NFIA: variants seen among roughly 807,000 people sequenced by gnomAD.
NFIA encodes nuclear factor 1 A-type.
In NFIA, 8 loss-of-function variants were observed where a neutral mutation model predicts 62.8. The ratio of observed to expected loss-of-function variants is 0.13; its 90% CI spans 0.07 to 0.23. NFIA has a LOEUF of 0.23. Ranked by LOEUF, NFIA falls within the 10% of genes least tolerant of loss-of-function variation. The pLI, the probability that NFIA is intolerant of heterozygous loss-of-function variation, is 1.00. For synonymous variants in NFIA, 235 were observed against 238.1 expected (o/e 0.99, Z 0.12); for missense variants, 410 against 642.1 (o/e 0.64, Z 3.91).
At chr1:61,372,187 A>G (rs530419914) in intron 6 of NFIA, among the ~76,000 whole-genome samples, 1 of 152,290 alleles carries the variant, frequency 6.6e-6, no homozygotes, top group African/African-American at 2.4e-5. Flanking sequence ...TAACTCCAAT[A>G]TGAAAGGATT....
chr1:61,385,060 C>G (rs1465315247), intron 7 of NFIA, among the ~76,000 whole-genome samples: 4 of 151,892 alleles, frequency 2.6e-5, no homozygotes, highest in Non-Finnish European at 5.9e-5. Context: ...GGTGAAACCC[C>G]ATCTCTACTA....
At chr1:61,151,357 G>A (rs1395091076) in intron 2 of NFIA, among the ~76,000 whole-genome samples, 1 of 148,242 alleles carries the variant, frequency 6.7e-6, no homozygotes, top group Non-Finnish European at 1.5e-5. Flanking sequence ...CTACAGGCTT[G>A]CACCACCGTG....
chr1:61,427,276 G>C (rs1172053001), intron 10 of NFIA, among the ~76,000 whole-genome samples: 2 of 152,174 alleles, frequency 1.3e-5, no homozygotes, highest in East Asian at 3.9e-4. Flanking sequence ...TGTATATTGA[G>C]AAACAGTAAA....
At chr1:61,419,889 A>G (rs1469596542) in intron 9 of NFIA, among the ~76,000 whole-genome samples, 2 of 152,272 alleles carry the variant, frequency 1.3e-5, no homozygotes, top group African/African-American at 4.8e-5. Flanking sequence ...CTGTGCCCTG[A>G]GGGTTGTGAG....
chr1:61,383,185 A>C lies in NFIA; in HGVS notation c.947-52A>C, dbSNP rs979734407. 3 of 1,601,562 alleles carry C rather than the reference A, an allele frequency of 1.9e-6. No homozygotes were observed. The Admixed American group carries it at 5.0e-5, about 27-fold the overall frequency. Reference sequence around the variant, plus strand: ...TAAATGTTATCTTTTAGGTTGCACAAATCATTGTTCCATGAATTAAAGTGT... The same window carrying C: ...TAAATGTTATCTTTTAGGTTGCACACATCATTGTTCCATGAATTAAAGTGT... On this transcript the variant is annotated intron_variant, in intron 6 of 10. Coordinates refer to ENST00000403491, the MANE Select transcript of NFIA (RefSeq NM_001134673.4).
chr1:61,319,377 T>G (rs1431788173), intron 3 of NFIA, among the ~76,000 whole-genome samples: 1 of 152,156 alleles, frequency 6.6e-6, no homozygotes, highest in East Asian at 1.9e-4. Flanking sequence ...AGGAAAAAAC[T>G]ATTAAGAATA....
intron 9 of NFIA, among the ~76,000 whole-genome samples, chr1:61,414,377 C>A (rs1433512592): frequency 6.6e-6 from 1 of 152,188 alleles, no homozygotes; most frequent in African/African-American, 2.4e-5. Flanking sequence ...TTGAGAAAGA[C>A]AAGGTATGGA....
At chr1:61,388,610 A>G (rs17122110) in intron 7 of NFIA, among the ~76,000 whole-genome samples, 4,311 of 152,294 alleles carry the variant, frequency 0.028, 208 homozygotes, top group African/African-American at 0.099. Context: ...AAGTAAAACA[A>G]TTCTGTGCCT....
intron 10 of NFIA, among the ~76,000 whole-genome samples, chr1:61,427,509 C>T (rs922446861): frequency 3.9e-5 from 6 of 152,140 alleles, no homozygotes; most frequent in African/African-American, 1.4e-4. Context: ...GTGGAATCTC[C>T]AGATGCCTAA....
chr1:61,203,574 C>G (rs1021499341), intron 2 of NFIA, among the ~76,000 whole-genome samples: 1 of 152,174 alleles, frequency 6.6e-6, no homozygotes, highest in Non-Finnish European at 1.5e-5. Flanking sequence ...GAACACATAT[C>G]TCTTCTTTTG....
At chr1:61,208,015 A>AC (rs1653009940) in intron 2 of NFIA, among the ~76,000 whole-genome samples, 1 of 139,474 alleles carries the variant, frequency 7.2e-6, no homozygotes, top group Admixed American at 7.6e-5. Flanking sequence ...CTCTTCACAG[A>AC]TGGATAAGGT....
intron 9 of NFIA, among the ~76,000 whole-genome samples, chr1:61,423,140 A>T (rs756484330): frequency 3.4e-4 from 52 of 152,194 alleles, no homozygotes; most frequent in Non-Finnish European, 4.4e-4. Context: ...ATATGGTCAG[A>T]TTAGTGCAAA....
chr1:61,183,686 T>G (rs1000155051), intron 2 of NFIA, among the ~76,000 whole-genome samples: 1 of 152,212 alleles, frequency 6.6e-6, no homozygotes, highest in African/African-American at 2.4e-5. Flanking sequence ...ACAGGGCTGC[T>G]TGAACTTTAG....
rs781087675 is a variant in NFIA at position 61,256,936 on chromosome 1, A to T, written c.560-20584A>T. On this transcript the variant is annotated intron_variant, in intron 2 of 10. Coordinates refer to ENST00000403491, the MANE Select transcript of NFIA (RefSeq NM_001134673.4). ...CTTGAGAGAAAGATGTACCATTTTC[A>T]TAAATTTGGTAAATAAATTAAAACC... is the stretch of plus-strand genomic sequence containing the variant. Among the ~76,000 whole-genome samples, 10 of 152,216 alleles carry T rather than the reference A, an allele frequency of 6.6e-5. 1 individual carries two copies. Among genetic ancestry groups the T allele is most frequent in the Non-Finnish European group, 1.0e-4 (7 of 68,030 alleles).
At chr1:61,290,044 C>G (rs571892073) in intron 3 of NFIA, among the ~76,000 whole-genome samples, 85 of 135,362 alleles carry the variant, frequency 6.3e-4, no homozygotes, top group Non-Finnish European at 1.0e-3. Flanking sequence ...AAATATACAT[C>G]TTTATAGAAA....
At chr1:61,275,516 A>G (rs931652707) in intron 2 of NFIA, among the ~76,000 whole-genome samples, 3 of 152,314 alleles carry the variant, frequency 2.0e-5, no homozygotes, top group Admixed American at 2.0e-4. Flanking sequence ...TTATTCATAG[A>G]GAAGTGATTA....
chr1:61,180,977 G>A (rs1650722333), intron 2 of NFIA, among the ~76,000 whole-genome samples: 3 of 152,140 alleles, frequency 2.0e-5, no homozygotes, highest in Non-Finnish European at 4.4e-5. Context: ...TCTCAATGAC[G>A]GGGCTGGCAT....
chr1:61,281,409 G>A (rs79822288), intron 3 of NFIA, among the ~76,000 whole-genome samples: 22 of 152,256 alleles, frequency 1.4e-4, no homozygotes, highest in African/African-American at 4.6e-4. Flanking sequence ...CAACGAGTAC[G>A]TATATTCAAG....
At chr1:61,181,474 TTTTTG>T (rs1197617052) in intron 2 of NFIA, among the ~76,000 whole-genome samples, 1 of 152,238 alleles carries the variant, frequency 6.6e-6, no homozygotes, top group Non-Finnish European at 1.5e-5. Context: ...AGAAGGTACA[TTTTTG>T]TTCATTGTGA....
Sources: allele counts gnomAD v4.1 joint callset (sites outside exome capture counted in the v4.1 genomes callset), GRCh38; gene constraint gnomAD v4.1.1; transcripts MANE v1.5; gene names NCBI Gene and HGNC (gene_info 2026-07-23, HGNC 2026-07-21).